GPHN: variants seen among roughly 807,000 people sequenced by gnomAD.
GPHN encodes gephyrin.
Under a neutral mutation model 95.5 loss-of-function variants are expected in GPHN, and 17 were observed. The ratio of observed to expected loss-of-function variants is 0.18; its 90% CI spans 0.12 to 0.27. The LOEUF (loss-of-function observed/expected upper bound fraction) is 0.27, where lower values mean the gene tolerates loss of function less well. Ranked by LOEUF, GPHN falls within the 10% of genes least tolerant of loss-of-function variation. The pLI is 1.00. For missense variants in GPHN, 660 were observed against 978.1 expected, an observed-to-expected ratio of 0.67 and a Z score of 4.34; for synonymous variants, 320 against 322.5, an observed-to-expected ratio of 0.99 and a Z score of 0.08.
At chr14:67,489,271 C>T in the GPHN span, among the ~76,000 whole-genome samples, 2 of 152,100 alleles carry the variant, frequency 1.3e-5, no homozygotes, top group Non-Finnish European at 2.9e-5. Flanking sequence ...GATTCAAATC[C>T]CAGTCCTCAG....
At chr14:67,288,083 C>CT in the GPHN span, among the ~76,000 whole-genome samples, 40 of 151,008 alleles carry the variant, frequency 2.6e-4, no homozygotes, top group African/African-American at 8.0e-4. Flanking sequence ...TGGGGTCTCC[C>CT]TTTTTTTTTC....
At chr14:67,585,229 C>T in the GPHN span, 1 of 196,514 alleles carries the variant, frequency 5.1e-6, no homozygotes. Context: ...CCCCATTCCC[C>T]TAACAGAGCA....
chr14:66,787,201 T>C (rs1379449823), intron 3 of GPHN, among the ~76,000 whole-genome samples: 1 of 152,162 alleles, frequency 6.6e-6, no homozygotes, highest in African/African-American at 2.4e-5. Context: ...GATTTCTATA[T>C]ACTATAAACA....
At chr14:67,031,448 A>T (rs954739136) in intron 10 of GPHN, among the ~76,000 whole-genome samples, 3 of 152,166 alleles carry the variant, frequency 2.0e-5, no homozygotes, top group African/African-American at 7.2e-5. Flanking sequence ...CTTTCTTTAT[A>T]TAACTAAGGA....
At chr14:66,576,362 T>C (rs929671199) in intron 1 of GPHN, among the ~76,000 whole-genome samples, 5 of 152,098 alleles carry the variant, frequency 3.3e-5, no homozygotes, top group East Asian at 1.9e-4. Flanking sequence ...TTTTTTTTTT[T>C]CAAGAGGGAA....
chr14:67,573,787 T>C, the GPHN span: 1 of 1,582,066 alleles, frequency 6.3e-7, no homozygotes, highest in Non-Finnish European at 8.7e-7. The surrounding 1 kb of genome is among the most constrained non-coding windows in gnomAD (Gnocchi z 4.8). Flanking sequence ...TCCTCTCCAA[T>C]ACTTTCTTTA....
the GPHN span, among the ~76,000 whole-genome samples, chr14:67,342,599 G>A: frequency 6.8e-6 from 1 of 147,298 alleles, no homozygotes; most frequent in Non-Finnish European, 1.5e-5. Flanking sequence ...CATGTACAAG[G>A]CCTGGCACTA....
chr14:67,530,748 G>C, the GPHN span, among the ~76,000 whole-genome samples: 1 of 152,176 alleles, frequency 6.6e-6, no homozygotes, highest in African/African-American at 2.4e-5. Context: ...CATGAATGGA[G>C]TGTGAGAGCC....
the GPHN span, among the ~76,000 whole-genome samples, chr14:67,445,570 G>A: frequency 8.4e-6 from 1 of 119,510 alleles, no homozygotes; most frequent in Non-Finnish European, 1.8e-5. Context: ...GTTTAAGAGA[G>A]GCAATTCTTT....
At chr14:67,663,552 T>G in the GPHN span, among the ~76,000 whole-genome samples, 1 of 151,310 alleles carries the variant, frequency 6.6e-6, no homozygotes, top group Non-Finnish European at 1.5e-5. Context: ...TGGGCGCCTG[T>G]ATTCCCAGCT....
chr14:66,762,279 G>T (rs1281817275), intron 2 of GPHN, among the ~76,000 whole-genome samples: 1 of 152,062 alleles, frequency 6.6e-6, no homozygotes, highest in Non-Finnish European at 1.5e-5. Context: ...GTTCATGTCA[G>T]AATGTTAAAG....
the GPHN span, chr14:67,348,866 T>G: frequency 1.2e-5 from 8 of 667,908 alleles, no homozygotes; most frequent in Non-Finnish European, 2.0e-5. Flanking sequence ...AGTCAAGTTA[T>G]CCTGAGTAAT....
chr14:66,916,679 G>A (rs1567097985), intron 6 of GPHN, among the ~76,000 whole-genome samples: 1 of 152,082 alleles, frequency 6.6e-6, no homozygotes, highest in African/African-American at 2.4e-5. Context: ...GTTAGATTGT[G>A]TGGTGGCCAA....
At chr14:66,712,454 T>A (rs958780927) in intron 2 of GPHN, among the ~76,000 whole-genome samples, 1 of 152,198 alleles carries the variant, frequency 6.6e-6, no homozygotes, top group Non-Finnish European at 1.5e-5. Flanking sequence ...TGTAAATTTG[T>A]TTAAGTTCTT....
intron 5 of GPHN, among the ~76,000 whole-genome samples, chr14:66,882,574 T>C (rs1390551480): frequency 1.3e-5 from 2 of 151,846 alleles, no homozygotes; most frequent in African/African-American, 4.8e-5. Flanking sequence ...AATGTCTTTT[T>C]TGTTTTCATT....
intron 9 of GPHN, among the ~76,000 whole-genome samples, chr14:66,996,872 C>T (rs1252963427): frequency 6.6e-6 from 1 of 151,684 alleles, no homozygotes. Flanking sequence ...GGCCTATTTT[C>T]CTTGTCTTTT....
the GPHN span, among the ~76,000 whole-genome samples, chr14:67,322,518 T>C: frequency 6.6e-6 from 1 of 152,194 alleles, no homozygotes; most frequent in Non-Finnish European, 1.5e-5. Flanking sequence ...TCAGTGGTCA[T>C]TAAAGAGATG....
At chr14:67,118,267 G>A (rs1042140121) in intron 16 of GPHN, among the ~76,000 whole-genome samples, 1 of 152,206 alleles carries the variant, frequency 6.6e-6, no homozygotes, top group Non-Finnish European at 1.5e-5. Flanking sequence ...GCAAAGAACA[G>A]TACATTCTTA....
At chr14:67,329,532 G>C in the GPHN span, among the ~76,000 whole-genome samples, 1 of 152,202 alleles carries the variant, frequency 6.6e-6, no homozygotes, top group Non-Finnish European at 1.5e-5. Context: ...GGAGTGGTGA[G>C]AGAGGGCATC....
Sources: allele counts gnomAD v4.1 joint callset (sites outside exome capture counted in the v4.1 genomes callset), GRCh38; gene constraint gnomAD v4.1.1; non-coding constraint Gnocchi (gnomAD v3.1); transcripts MANE v1.5; gene names NCBI Gene and HGNC (gene_info 2026-07-23, HGNC 2026-07-21).